ACSL1: variants seen among roughly 807,000 people sequenced by gnomAD.
The protein encoded by ACSL1 is long-chain-fatty-acid--CoA ligase 1.
ACSL1 carries 41 observed loss-of-function variants against 98.4 expected under a neutral mutation model. That is an observed-to-expected ratio of 0.42 (90% CI 0.32 to 0.54). ACSL1 has a LOEUF of 0.54. Ranked by LOEUF, ACSL1 falls within the 20% of genes least tolerant of loss-of-function variation. ACSL1 has a pLI of 0.13. For synonymous variants in ACSL1, 316 were observed against 322.7 expected (o/e 0.98, Z 0.22); for missense variants, 734 against 883.1 (o/e 0.83, Z 2.14).
chr4:184,790,934 G>T (rs2150387987), intron 2 of ACSL1, among the ~76,000 whole-genome samples: 1 of 152,284 alleles, frequency 6.6e-6, no homozygotes, highest in South Asian at 2.1e-4. Flanking sequence ...CACACCGAAG[G>T]CACCAAGGCT....
intron 1 of ACSL1, among the ~76,000 whole-genome samples, chr4:184,807,338 G>A (rs1375694158): frequency 6.6e-6 from 1 of 152,184 alleles, no homozygotes; most frequent in Non-Finnish European, 1.5e-5. Flanking sequence ...TAATTCAATT[G>A]GCTTAAAGGC....
chr4:184,822,910 G>T (rs1773180278), intron 1 of ACSL1, among the ~76,000 whole-genome samples: 1 of 152,138 alleles, frequency 6.6e-6, no homozygotes, highest in African/African-American at 2.4e-5. Context: ...GACAATCTTA[G>T]AGTCGCTGCC....
intron 3 of ACSL1, 133 bp from the exon 4 acceptor site, chr4:184,784,124 G>T: frequency 1.5e-6 from 1 of 672,360 alleles, no homozygotes; most frequent in Non-Finnish European, 2.5e-6. Flanking sequence ...AGAAATGGTG[G>T]CTTCAGATTG....
intron 1 of ACSL1, chr4:184,815,016 A>G (rs1185731874): frequency 2.2e-6 from 1 of 456,252 alleles, no homozygotes; most frequent in Non-Finnish European, 4.4e-6. Flanking sequence ...CTTTGCCTTC[A>G]GCAAGTTTAG....
Position 184,768,397 on chromosome 4 carries a change from C to T in ACSL1, c.1047G>A (p.Arg349=), listed in dbSNP as rs767549297. 21 of 1,613,706 alleles carry T rather than the reference C, an allele frequency of 1.3e-5. No individual in the cohort carries two copies. The Admixed American group carries it at 3.3e-4, about 26-fold the overall frequency. ...AKIGFFQGDI[R]LLMDDLKVLQ... ...GCACCTTGAGGTCATCCATGAGCAG[C>T]CTGATATCTCCTTGGAAAAATCCGA... Residue 349 remains arginine, a synonymous_variant, in exon 12 of 21, where the codon AGG becomes AGA. Transcript: ENST00000281455.
chr4:184,781,306 C>A (rs1447539069), intron 4 of ACSL1, among the ~76,000 whole-genome samples: 1 of 148,360 alleles, frequency 6.7e-6, no homozygotes, highest in Non-Finnish European at 1.5e-5. Flanking sequence ...TCAAAAATCT[C>A]TAGGGTAAAA....
At chr4:184,812,159 C>G (rs1467384411) in intron 1 of ACSL1, 1 of 983,766 alleles carries the variant, frequency 1.0e-6, no homozygotes, top group Non-Finnish European at 1.2e-6. Context: ...CTTACACTTA[C>G]AGCGAATGGT....
At chr4:184,764,716 C>G (rs567492428) in intron 15 of ACSL1, 137 bp downstream of exon 15, 6 of 753,408 alleles carry the variant, frequency 8.0e-6, no homozygotes, top group Non-Finnish European at 1.3e-5. Context: ...TGTTTGCCCC[C>G]AGAGCCTAAT....
intron 3 of ACSL1, among the ~76,000 whole-genome samples, chr4:184,786,520 CCCTGA>C (rs1767374022): frequency 6.6e-6 from 1 of 151,854 alleles, no homozygotes; most frequent in Non-Finnish European, 1.5e-5. Context: ...CACAGACAAA[CCCTGA>C]CCTTGACACC....
rs180795242 is a variant in ACSL1 at position 184,811,319 on chromosome 4, G to C, written c.-32-7773C>G. ...AGTAGAGACGGGGTTTCACCGTGTT[G>C]GCCAGGATGGTCTCGATCTCCCGAC... On this transcript the variant is annotated intron_variant, in intron 1 of 20. Transcript: ENST00000281455. Among the ~76,000 whole-genome samples, 11 of 151,732 alleles carry C rather than the reference G, an allele frequency of 7.2e-5. No individual in the cohort carries two copies. The South Asian group carries it at 2.4e-3, about 33-fold the overall frequency.
chr4:184,758,352 C>T (rs528812678), intron 18 of ACSL1: 164 of 172,288 alleles, frequency 9.5e-4, no homozygotes, highest in African/African-American at 3.8e-3. Flanking sequence ...GCCAGGAGTT[C>T]GAGACCAGTC....
At chr4:184,788,484 TAC>T (rs1353095185) in intron 3 of ACSL1, 131 bp downstream of exon 3, 1 of 748,580 alleles carries the variant, frequency 1.3e-6, no homozygotes, top group Non-Finnish European at 2.3e-6. Flanking sequence ...CTGGGAAAGT[TAC>T]AGTGGACACA....
At chr4:184,789,304 C>T (rs181056147) in intron 2 of ACSL1, among the ~76,000 whole-genome samples, 45 of 152,356 alleles carry the variant, frequency 3.0e-4, no homozygotes, top group African/African-American at 1.1e-3. Context: ...GAGCCACAAA[C>T]TGCCACCACT....
At chr4:184,761,834 T>G (rs1410990175) in intron 17 of ACSL1, among the ~76,000 whole-genome samples, 3 of 151,078 alleles carry the variant, frequency 2.0e-5, no homozygotes, top group Non-Finnish European at 4.4e-5. Flanking sequence ...ATGTTAAGCA[T>G]CAAAACGGGC....
At chr4:184,781,752 GGCAC>G (rs1766306531) in intron 4 of ACSL1, among the ~76,000 whole-genome samples, 1 of 152,154 alleles carries the variant, frequency 6.6e-6, no homozygotes, top group African/African-American at 2.4e-5. Context: ...TGGGATTACA[GGCAC>G]CTGCCACCAC....
At chr4:184,806,307 C>G (rs1216153054) in intron 1 of ACSL1, among the ~76,000 whole-genome samples, 1 of 152,210 alleles carries the variant, frequency 6.6e-6, no homozygotes, top group Non-Finnish European at 1.5e-5. Context: ...AGTATTGCAA[C>G]TCCACAACCT....
chr4:184,792,141 C>A, intron 2 of ACSL1, among the ~76,000 whole-genome samples: 1 of 151,974 alleles, frequency 6.6e-6, no homozygotes, highest in East Asian at 1.9e-4. Flanking sequence ...AATGATATCC[C>A]CAATAAAGCA....
intron 1 of ACSL1, among the ~76,000 whole-genome samples, chr4:184,804,343 G>A (rs1289994650): frequency 1.3e-5 from 2 of 152,228 alleles, no homozygotes; most frequent in African/African-American, 4.8e-5. Context: ...ACTTTGGGAA[G>A]CCGAGGCGGG....
chr4:184,787,562 A>C (rs1767603459), intron 3 of ACSL1, among the ~76,000 whole-genome samples: 1 of 152,098 alleles, frequency 6.6e-6, no homozygotes, highest in Non-Finnish European at 1.5e-5. Flanking sequence ...AGGCTTTATG[A>C]TCAAGAAAAA....
Sources: gnomAD v4.1 joint callset for allele counts (sites outside exome capture counted in the v4.1 genomes callset) on GRCh38, gnomAD v4.1.1 for gene constraint, MANE v1.5 for transcripts, NCBI Gene and HGNC (gene_info 2026-07-23, HGNC 2026-07-21) for gene names.